The following NRXN3 variants were observed in gnomAD, a reference collection of about 807,000 sequenced individuals.
The protein encoded by NRXN3 is neurexin III.
A neutral mutation model predicts 137.6 loss-of-function variants in NRXN3; 32 were observed. The ratio of observed to expected loss-of-function variants is 0.23; its 90% confidence interval spans 0.18 to 0.31. The LOEUF (loss-of-function observed/expected upper bound fraction) is 0.31. NRXN3 is among the 10% of genes least tolerant of loss of function. The probability of loss-of-function intolerance (pLI) is 1.00; values close to 1 mark genes in which losing one functional copy is unlikely to be tolerated. For synonymous variants in NRXN3, 798 were observed against 784.5 expected (o/e 1.02, Z -0.29); for missense variants, 1,574 against 2,062.5 (o/e 0.76, Z 4.59).
intron 15 of NRXN3, among the ~76,000 whole-genome samples, chr14:79,357,910 C>T (rs1213126301): frequency 6.6e-6 from 1 of 152,106 alleles, no homozygotes; most frequent in Admixed American, 6.5e-5. Flanking sequence ...TTCCTCTGTT[C>T]CTTGCTCCTT....
chr14:78,305,311 C>G (rs1258110547), intron 4 of NRXN3, among the ~76,000 whole-genome samples: 2 of 152,048 alleles, frequency 1.3e-5, no homozygotes, highest in East Asian at 3.9e-4. Flanking sequence ...GGCGGCCGGG[C>G]AGCAGGGGGA....
intron 4 of NRXN3, among the ~76,000 whole-genome samples, chr14:78,479,921 A>G (rs559591540): frequency 6.6e-6 from 1 of 152,112 alleles, no homozygotes; most frequent in South Asian, 2.1e-4. Flanking sequence ...AGGGAGGGCA[A>G]ATTACCTGAG....
chr14:79,572,556 C>T (rs561350485), intron 16 of NRXN3, among the ~76,000 whole-genome samples: 71 of 152,260 alleles, frequency 4.7e-4, no homozygotes, highest in African/African-American at 1.7e-3. Flanking sequence ...AAAACCAGCT[C>T]AGGACAAGTG....
chr14:78,439,993 T>C (rs999339807), intron 4 of NRXN3, among the ~76,000 whole-genome samples: 3 of 152,242 alleles, frequency 2.0e-5, no homozygotes, highest in Non-Finnish European at 2.9e-5. Flanking sequence ...CTGGAATCTT[T>C]GTCCTCCCAC....
chr14:79,101,515 T>G (rs2051296283), intron 15 of NRXN3, among the ~76,000 whole-genome samples: 3 of 152,214 alleles, frequency 2.0e-5, no homozygotes. Context: ...GCTGTAGTGC[T>G]TTGGGCCATG....
At chr14:79,463,509 A>AAG (rs1173759829) in intron 15 of NRXN3, among the ~76,000 whole-genome samples, 1 of 152,118 alleles carries the variant, frequency 6.6e-6, no homozygotes, top group East Asian at 1.9e-4. Flanking sequence ...TGACTATTTG[A>AAG]AGATGAGATG....
chr14:79,534,090 C>T lies in NRXN3; in HGVS notation c.3444+66688C>T, dbSNP rs375275912. On this transcript the variant is annotated intron_variant, in intron 16 of 20. Transcript: ENST00000335750. The stretch of plus-strand genomic sequence containing the variant: ...CCTTGGAAAAAATCAGAAACAATCT[C>T]GAAATGTGGCCTGTTGGAGCTGGAA... Among the ~76,000 whole-genome samples the T allele has an allele frequency of 2.1e-4, 32 of 152,232 alleles. 2 individuals are homozygous for T. The highest frequency in any genetic ancestry group is 3.4e-3 in the Middle Eastern group (1 of 294).
intron 15 of NRXN3, among the ~76,000 whole-genome samples, chr14:79,266,224 A>G (rs1401128041): frequency 6.6e-6 from 1 of 152,224 alleles, no homozygotes; most frequent in Non-Finnish European, 1.5e-5. Context: ...CAACCATGAC[A>G]TATTAAACTA....
At chr14:79,780,021 C>T (rs4903879) in intron 19 of NRXN3, among the ~76,000 whole-genome samples, 79,078 of 151,982 alleles carry the variant, frequency 0.52, 21,132 homozygotes, top group Middle Eastern at 0.65. Context: ...TGAGCCACCA[C>T]GCCCACCCTT....
intron 4 of NRXN3, among the ~76,000 whole-genome samples, chr14:78,516,740 G>A (rs1486974801): frequency 2.0e-5 from 3 of 152,214 alleles, no homozygotes; most frequent in Admixed American, 6.5e-5. Flanking sequence ...TGATGGGTAA[G>A]GTAGAATATT....
intron 20 of NRXN3, among the ~76,000 whole-genome samples, chr14:79,851,134 C>G (rs2099390514): frequency 1.3e-5 from 2 of 152,082 alleles, no homozygotes; most frequent in Admixed American, 6.6e-5. Context: ...CTCTCATTAT[C>G]CAGGAGAATG....
chr14:78,535,629 A>C (rs1303809277), intron 4 of NRXN3, among the ~76,000 whole-genome samples: 1 of 152,182 alleles, frequency 6.6e-6, no homozygotes, highest in Non-Finnish European at 1.5e-5. Flanking sequence ...GGAGGAGGAA[A>C]AGACTAAAAA....
intron 19 of NRXN3, among the ~76,000 whole-genome samples, chr14:79,718,527 G>C (rs2098831408): frequency 6.6e-6 from 1 of 152,200 alleles, no homozygotes; most frequent in Admixed American, 6.5e-5. Flanking sequence ...AGCAGCAAGA[G>C]AGGAGGCAGA....
chr14:78,506,103 T>C (rs907703042), intron 4 of NRXN3, among the ~76,000 whole-genome samples: 1 of 152,144 alleles, frequency 6.6e-6, no homozygotes, highest in Non-Finnish European at 1.5e-5. Flanking sequence ...TGAGCCTATA[T>C]CCATTGAACA....
chr14:79,045,667 G>A (rs1478033526), intron 15 of NRXN3, among the ~76,000 whole-genome samples: 1 of 152,188 alleles, frequency 6.6e-6, no homozygotes, highest in African/African-American at 2.4e-5. Context: ...CCAGCTTATT[G>A]ATGCTCAGAG....
At chr14:78,425,926 G>A (rs1287227486) in intron 4 of NRXN3, among the ~76,000 whole-genome samples, 3 of 152,144 alleles carry the variant, frequency 2.0e-5, no homozygotes, top group Non-Finnish European at 2.9e-5. Flanking sequence ...TTATAAATAC[G>A]CACCACGTGA....
At chr14:78,552,306 G>A (rs2096699670) in intron 4 of NRXN3, among the ~76,000 whole-genome samples, 1 of 152,184 alleles carries the variant, frequency 6.6e-6, no homozygotes, top group Non-Finnish European at 1.5e-5. Flanking sequence ...TTCCTTTTGA[G>A]TATGGTACAG....
In NRXN3 at chr14:79,491,070, A is replaced by ATG. The variant is rs1298394474; in HGVS notation, c.3444+23671_3444+23672dup. Among the ~76,000 whole-genome samples, 10 of 152,236 alleles carry ATG rather than the reference A, an allele frequency of 6.6e-5. 2 individuals are homozygous for ATG. Among genetic ancestry groups the ATG allele is most frequent in the African/African-American group, 1.9e-4 (8 of 41,538 alleles). ...TGCCAGGGTGTATATGTATGTGAGTATGTGCGTGTGTGTGTTTTGTTCTGT... is the reference window on the plus strand; with the variant it reads ...TGCCAGGGTGTATATGTATGTGAGTATGTGTGCGTGTGTGTGTTTTGTTCTGT... On this transcript the variant is annotated intron_variant, in intron 16 of 20. Transcript: ENST00000335750.
At chr14:79,670,231 G>A (rs768978616) in intron 17 of NRXN3, among the ~76,000 whole-genome samples, 1 of 151,980 alleles carries the variant, frequency 6.6e-6, no homozygotes, top group Non-Finnish European at 1.5e-5. Flanking sequence ...TAAACGATGG[G>A]CATTTGCCTT....
Sources: allele counts gnomAD v4.1 joint callset (sites outside exome capture counted in the v4.1 genomes callset), GRCh38; gene constraint gnomAD v4.1.1; transcripts MANE v1.5; gene names NCBI Gene and HGNC (gene_info 2026-07-23, HGNC 2026-07-21).